The following IPO11 variants were observed in gnomAD, a reference collection of about 807,000 sequenced individuals.
IPO11 encodes the protein importin 11, also known as importin-11.
IPO11 carries 66 observed loss-of-function variants against 143.2 expected under a neutral mutation model. The observed-to-expected ratio is 0.46, with a 90% confidence interval of 0.38 to 0.57. The LOEUF is 0.57. IPO11 is among the 20% of genes least tolerant of loss of function. The pLI is 0.00. For missense variants in IPO11, 1,026 were observed against 1,141.0 expected, an observed-to-expected ratio of 0.90 and a Z score of 1.45; for synonymous variants, 385 against 377.8, an observed-to-expected ratio of 1.02 and a Z score of -0.22.
At position 62,608,694 on chromosome 5, in the gene IPO11, A is replaced by C. The variant is rs561689373; in HGVS notation, c.2763+6846A>C. Among the ~76,000 whole-genome samples, 12 of 151,864 alleles carry C rather than the reference A, an allele frequency of 7.9e-5. No individual in the cohort carries two copies. In the East Asian group the frequency reaches 2.3e-3, roughly 29 times the overall value. On this transcript the variant is annotated intron_variant, in intron 29 of 29. Coordinates refer to ENST00000325324, the MANE Select transcript of IPO11 (RefSeq NM_016338.5). The stretch of plus-strand genomic sequence containing the variant: ...ATGCCGTGTCCCCCACATAGATGCA[A>C]CCTCCCCCACTGTCCACATCCTGTA...
At chr5:62,419,261 A>G (rs902614038) in intron 1 of IPO11, 2 of 947,954 alleles carry the variant, frequency 2.1e-6, no homozygotes, top group Admixed American at 3.0e-5. Flanking sequence ...ATTGGTTTGG[A>G]TGAATCAGTG....
intron 20 of IPO11, among the ~76,000 whole-genome samples, chr5:62,522,686 T>TC (rs1287467086): frequency 2.0e-5 from 3 of 152,200 alleles, no homozygotes; most frequent in African/African-American, 7.2e-5. Context: ...GACCCCTCAG[T>TC]CTCCTACCTG....
At chr5:62,423,378 T>G (rs933275011) in intron 1 of IPO11, among the ~76,000 whole-genome samples, 2 of 152,214 alleles carry the variant, frequency 1.3e-5, no homozygotes, top group African/African-American at 4.8e-5. Context: ...CATCATTCTT[T>G]CCTTTAAACA....
chr5:62,501,233 T>A (rs890083631), intron 16 of IPO11, among the ~76,000 whole-genome samples: 12 of 152,334 alleles, frequency 7.9e-5, no homozygotes, highest in Non-Finnish European at 1.3e-4. Flanking sequence ...TTTTTTTTTC[T>A]ATTTACCTAT....
chr5:62,472,309 T>A lies in IPO11; in HGVS notation c.708+2001T>A, dbSNP rs181313998. Among the ~76,000 whole-genome samples the A allele has an allele frequency of 1.1e-3, 169 of 152,284 alleles. 2 individuals are homozygous for A. Among genetic ancestry groups the A allele is most frequent in the Non-Finnish European group, 1.9e-4 (13 of 68,006 alleles). On this transcript the variant is annotated intron_variant, in intron 7 of 29. Coordinates refer to ENST00000325324, the MANE Select transcript of IPO11 (RefSeq NM_016338.5). ...TATCTTTTTTTAAGTGAAAATGAAT[T>A]GATTTGATTTATATTCCTATAAGGT...
intron 5 of IPO11, among the ~76,000 whole-genome samples, chr5:62,453,278 T>C (rs1241214806): frequency 6.6e-6 from 1 of 151,248 alleles, no homozygotes; most frequent in South Asian, 2.1e-4. Context: ...GCATGTGGTC[T>C]TAAGCAGCTT....
chr5:62,484,550 GTTTT>G (rs1297285419), intron 11 of IPO11, among the ~76,000 whole-genome samples: 2 of 133,920 alleles, frequency 1.5e-5, no homozygotes, highest in Non-Finnish European at 1.6e-5. Context: ...TTGATGAATA[GTTTT>G]TTTTTTTTTT....
chr5:62,616,135 T>C (rs976015313), intron 29 of IPO11, among the ~76,000 whole-genome samples: 10 of 152,056 alleles, frequency 6.6e-5, no homozygotes, highest in Non-Finnish European at 1.3e-4. Context: ...AGAGAACATA[T>C]TTCTGTTACT....
intron 24 of IPO11, among the ~76,000 whole-genome samples, chr5:62,547,198 GTAT>G (rs752502873): frequency 9.9e-5 from 15 of 152,092 alleles, no homozygotes; most frequent in African/African-American, 1.7e-4. Context: ...ACATTCAGTA[GTAT>G]TATTGTCATC....
At chr5:62,418,163 GT>G (rs11334760) in intron 1 of IPO11, among the ~76,000 whole-genome samples, 35,991 of 144,266 alleles carry the variant, frequency 0.25, 5,210 homozygotes, top group African/African-American at 0.43. Flanking sequence ...CGCCTGCCTA[GT>G]TTTTTTTTTT....
intron 1 of IPO11, among the ~76,000 whole-genome samples, chr5:62,419,323 TA>T (rs1356404284): frequency 6.6e-6 from 1 of 152,260 alleles, no homozygotes; most frequent in Admixed American, 6.5e-5. Context: ...ACACTTAGGC[TA>T]AAATAAATTT....
intron 16 of IPO11, among the ~76,000 whole-genome samples, chr5:62,502,275 C>G (rs72769140): frequency 6.6e-6 from 1 of 152,184 alleles, no homozygotes; most frequent in African/African-American, 2.4e-5. Context: ...GACAGACTCA[C>G]AGTAGAAATG....
At chr5:62,583,537 C>T (rs190444) in intron 27 of IPO11, among the ~76,000 whole-genome samples, 103,163 of 151,986 alleles carry the variant, frequency 0.68, 35,250 homozygotes, top group African/African-American at 0.73. Flanking sequence ...TATATGGAGC[C>T]ATAGTTCTAT....
chr5:62,601,425 G>T (rs1012821565), intron 28 of IPO11: 1 of 161,426 alleles, frequency 6.2e-6, no homozygotes, highest in African/African-American at 2.4e-5. Flanking sequence ...AGTATTTTAA[G>T]AGTTTATGTC....
chr5:62,536,037 A>G lies in IPO11; in HGVS notation c.2090-665A>G, dbSNP rs939565657. On this transcript the variant is annotated intron_variant, in intron 22 of 29. Coordinates refer to ENST00000325324, the MANE Select transcript of IPO11 (RefSeq NM_016338.5). ...GTTTCTACTCTGCACTTGCAAAGGA[A>G]TAGCTAAAAACGATATCCTTTTCTG... 8.5e-5 allele frequency among the ~76,000 whole-genome samples: 13 copies of G among 152,204 alleles called. No individual in the cohort carries two copies. In the East Asian group the frequency reaches 2.5e-3, roughly 29 times the overall value.
rs1746274150 is a variant in IPO11, at chr5:62,483,264, A to T, written c.992A>T (p.Tyr331Phe). ...MNLIKMIVKN[Y>F]AYKPSKNFED... Reference sequence around the variant, plus strand: ...CTTATTAAGATGATTGTCAAAAATTATGCTTATAAGCCATCCAAAAATTTT... The same window carrying T: ...CTTATTAAGATGATTGTCAAAAATTTTGCTTATAAGCCATCCAAAAATTTT... The change falls in exon 10 of 30, where the codon TAT (tyrosine) becomes TTT (phenylalanine). Residue 331 changes from tyrosine to phenylalanine, a missense_variant. Around this residue, in one of 5 missense-constraint regions of IPO11, gnomAD observed 429 missense variants for 456.3 expected, o/e 0.94. Transcript: ENST00000325324. 1 of 1,602,490 alleles carries T rather than the reference A, an allele frequency of 6.2e-7. No individual in the cohort carries two copies. The highest frequency in any genetic ancestry group is 8.5e-7 in the Non-Finnish European group (1 of 1,175,144).
chr5:62,440,500 G>A (rs1013928504), intron 2 of IPO11, among the ~76,000 whole-genome samples: 1 of 151,196 alleles, frequency 6.6e-6, no homozygotes, highest in African/African-American at 2.4e-5. Context: ...GATTACAGGC[G>A]CCCCCCCACC....
Position 62,412,907 on chromosome 5 carries a change from G to C in IPO11, c.-29G>C, listed in dbSNP as rs1743165474. ...TGGGAAGTGGGAGCGGGAGGGCCGGGCAATTCCCGACCGAACCAAACGGTG... is the reference window on the plus strand; with the variant it reads ...TGGGAAGTGGGAGCGGGAGGGCCGGCCAATTCCCGACCGAACCAAACGGTG... On this transcript the variant is annotated 5_prime_UTR_variant, in exon 1 of 30. Coordinates refer to ENST00000325324, the MANE Select transcript of IPO11 (RefSeq NM_016338.5). 1 of 152,710 alleles carries C rather than the reference G, an allele frequency of 6.5e-6. No individual in the cohort carries two copies. Among genetic ancestry groups the C allele is most frequent in the Non-Finnish European group, 1.5e-5 (1 of 68,082 alleles). The allele number at this position is 152,710 out of a possible 1,614,324, so 9.5% of individuals were successfully genotyped here. A position where few individuals can be genotyped will look rare whatever the true frequency, so the allele number is the denominator to read the frequency against.
At chr5:62,598,378 T>C (rs1745304965) in intron 28 of IPO11, among the ~76,000 whole-genome samples, 1 of 2,670 alleles carries the variant, frequency 3.7e-4, no homozygotes, top group Non-Finnish European at 6.7e-4. Context: ...ATAAATTGTT[T>C]GCTTGCTTGC....
Sources: gnomAD v4.1 joint callset for allele counts (sites outside exome capture counted in the v4.1 genomes callset) on GRCh38, gnomAD v4.1.1 for gene constraint, gnomAD v4.1.1 regional missense constraint, MANE v1.5 for transcripts, NCBI Gene and HGNC (gene_info 2026-07-23, HGNC 2026-07-21) for gene names.